The following MSRA variants were observed in gnomAD, a reference collection of about 807,000 sequenced individuals.
The protein encoded by MSRA is mitochondrial peptide methionine sulfoxide reductase.
Under a neutral mutation model 31.3 loss-of-function variants are expected in MSRA, and 54 were observed. The observed-to-expected ratio is 1.73, with a 90% CI of 1.39 to 2.17. MSRA has a LOEUF of 2.17. MSRA is among the 30% of genes most tolerant of loss of function. The pLI, the probability that MSRA is intolerant of heterozygous loss-of-function variation, is 0.00. For missense variants in MSRA, 507 were observed against 300.9 expected, an observed-to-expected ratio of 1.69 and a Z score of -5.07; for synonymous variants, 169 against 116.5, an observed-to-expected ratio of 1.45 and a Z score of -2.90.
At chr8:10,264,960 G>T (rs1023183254) in intron 3 of MSRA, among the ~76,000 whole-genome samples, 1 of 152,188 alleles carries the variant, frequency 6.6e-6, no homozygotes, top group African/African-American at 2.4e-5. Context: ...GCAGCCACTG[G>T]AGCTGGGGTA....
chr8:10,423,974 C>G (rs770853741), intron 5 of MSRA, among the ~76,000 whole-genome samples: 9 of 152,206 alleles, frequency 5.9e-5, no homozygotes, highest in Non-Finnish European at 1.2e-4. Context: ...GAGGGAGAGA[C>G]ACAGACAGTC....
At chr8:10,064,326 C>A (rs1797351752) in intron 1 of MSRA, among the ~76,000 whole-genome samples, 2 of 152,046 alleles carry the variant, frequency 1.3e-5, no homozygotes, top group Admixed American at 1.3e-4. Flanking sequence ...TAAGCTCGGG[C>A]TCTTATGAAA....
At chr8:10,228,994 G>A (rs1811238231) in intron 2 of MSRA, among the ~76,000 whole-genome samples, 1 of 152,026 alleles carries the variant, frequency 6.6e-6, no homozygotes, top group South Asian at 2.1e-4. Flanking sequence ...TTAAAGTTGA[G>A]GAGAAGAAAA....
intron 1 of MSRA, among the ~76,000 whole-genome samples, chr8:10,107,357 C>G (rs749839577): frequency 6.6e-6 from 1 of 151,942 alleles, no homozygotes; most frequent in African/African-American, 2.4e-5. Context: ...AGTTTGCCTC[C>G]TTGTAACCAA....
At chr8:10,098,356 A>G (rs1799311728) in intron 1 of MSRA, among the ~76,000 whole-genome samples, 1 of 152,138 alleles carries the variant, frequency 6.6e-6, no homozygotes, top group African/African-American at 2.4e-5. Context: ...TTCCATTTTG[A>G]TGTATGTACC....
intron 1 of MSRA, among the ~76,000 whole-genome samples, chr8:10,067,018 A>G (rs1490471355): frequency 3.3e-5 from 5 of 152,072 alleles, no homozygotes; most frequent in African/African-American, 1.2e-4. Flanking sequence ...ATACATTATT[A>G]TTAACTAAAG....
intron 5 of MSRA, among the ~76,000 whole-genome samples, chr8:10,374,223 G>C (rs1218168766): frequency 6.6e-6 from 1 of 152,190 alleles, no homozygotes; most frequent in East Asian, 1.9e-4. Context: ...AAGTACAGAA[G>C]TAAACTTACA....
At chr8:10,108,525 A>G (rs532054314) in intron 1 of MSRA, among the ~76,000 whole-genome samples, 1 of 152,286 alleles carries the variant, frequency 6.6e-6, no homozygotes, top group African/African-American at 2.4e-5. Flanking sequence ...ATATTTTGGT[A>G]CATTTAGAGT....
intron 4 of MSRA, among the ~76,000 whole-genome samples, chr8:10,305,137 T>G (rs1332436958): frequency 6.6e-6 from 1 of 152,166 alleles, no homozygotes; most frequent in Non-Finnish European, 1.5e-5. Flanking sequence ...GGCCTTAAAT[T>G]TTTTTGGTTA....
chr8:10,414,848 A>C (rs1271771027), intron 5 of MSRA, among the ~76,000 whole-genome samples: 1 of 152,234 alleles, frequency 6.6e-6, no homozygotes, highest in Non-Finnish European at 1.5e-5. Context: ...TAGTTAATTG[A>C]TTGCAGATAT....
intron 1 of MSRA, among the ~76,000 whole-genome samples, chr8:10,114,336 A>T (rs1800516738): frequency 6.6e-6 from 1 of 152,220 alleles, no homozygotes; most frequent in South Asian, 2.1e-4. Context: ...GTTTTCAATT[A>T]TCTGGGGGCC....
At chr8:10,234,316 G>T (rs1245190451) in intron 2 of MSRA, among the ~76,000 whole-genome samples, 1 of 152,148 alleles carries the variant, frequency 6.6e-6, no homozygotes, top group Non-Finnish European at 1.5e-5. Context: ...TCTTTACACT[G>T]CGGTAATGAG....
chr8:10,373,873 T>C (rs997410255), intron 5 of MSRA, among the ~76,000 whole-genome samples: 1 of 152,144 alleles, frequency 6.6e-6, no homozygotes, highest in Non-Finnish European at 1.5e-5. Flanking sequence ...AGAAGTGCGG[T>C]GTCTGTACAG....
intron 3 of MSRA, among the ~76,000 whole-genome samples, chr8:10,286,560 C>T (rs796937819): frequency 7.9e-5 from 12 of 152,342 alleles, no homozygotes; most frequent in African/African-American, 2.9e-4. Context: ...TTGGGTATGT[C>T]TTTACCAGCA....
chr8:10,394,822 A>G (rs778589758), intron 5 of MSRA, among the ~76,000 whole-genome samples: 1 of 152,268 alleles, frequency 6.6e-6, no homozygotes, highest in Non-Finnish European at 1.5e-5. Flanking sequence ...ACCCAGTATC[A>G]TGATGGCTAC....
chr8:10,387,155 C>T (rs956478332), intron 5 of MSRA, among the ~76,000 whole-genome samples: 21 of 152,278 alleles, frequency 1.4e-4, no homozygotes, highest in African/African-American at 3.6e-4. Flanking sequence ...CTAGAGGATC[C>T]GTGACTGCAC....
At chr8:10,289,473 T>C (rs1800116744) in intron 3 of MSRA, among the ~76,000 whole-genome samples, 1 of 152,156 alleles carries the variant, frequency 6.6e-6, no homozygotes, top group African/African-American at 2.4e-5. Context: ...TCATGGAGAA[T>C]GGGGTCTGCA....
chr8:10,068,247 A>C (rs1797560585), intron 1 of MSRA, among the ~76,000 whole-genome samples: 1 of 152,078 alleles, frequency 6.6e-6, no homozygotes, highest in Non-Finnish European at 1.5e-5. Flanking sequence ...TGTCTTTTCC[A>C]ATTTTTTCCC....
chr8:10,157,047 T>G (rs1272713503), intron 1 of MSRA, among the ~76,000 whole-genome samples: 1 of 151,888 alleles, frequency 6.6e-6, no homozygotes, highest in African/African-American at 2.4e-5. Context: ...ACAAGTGGCT[T>G]TTGCAAGGCC....
Sources: allele counts gnomAD v4.1 joint callset (sites outside exome capture counted in the v4.1 genomes callset), GRCh38; gene constraint gnomAD v4.1.1; transcripts MANE v1.5; gene names NCBI Gene and HGNC (gene_info 2026-07-23, HGNC 2026-07-21).